Variants in CYP4X1 observed in about 807,000 individuals in gnomAD.
CYP4X1 encodes cytochrome P450 family 4 subfamily X member 1.
Under a neutral mutation model 57.9 loss-of-function variants are expected in CYP4X1, and 44 were observed. The observed-to-expected ratio is 0.76, with a 90% confidence interval of 0.60 to 0.98. CYP4X1 has a LOEUF of 0.98. Among genes scored for constraint, CYP4X1 ranks in the 50% least tolerant of loss-of-function variants. The pLI, the probability that CYP4X1 is intolerant of heterozygous loss-of-function variation, is 0.00. For synonymous variants in CYP4X1, 227 were observed against 228.6 expected, an observed-to-expected ratio of 0.99 and a Z score of 0.06; for missense variants, 532 against 623.9, an observed-to-expected ratio of 0.85 and a Z score of 1.57.
At chr1:47,014,178 T>C in the CYP4X1 span, among the ~76,000 whole-genome samples, 2 of 152,196 alleles carry the variant, frequency 1.3e-5, no homozygotes, top group Non-Finnish European at 2.9e-5. Context: ...AATAGTAGTA[T>C]TCAAAACTGT....
the CYP4X1 span, among the ~76,000 whole-genome samples, chr1:46,966,210 A>G: frequency 6.6e-6 from 1 of 152,210 alleles, no homozygotes; most frequent in Admixed American, 6.5e-5. Flanking sequence ...TGCCATGGAA[A>G]TGGGGCCCAC....
intron 9 of CYP4X1, 69 bp downstream of exon 9, chr1:47,046,669 T>G (rs1206697003): frequency 2.8e-5 from 45 of 1,606,578 alleles, no homozygotes; most frequent in Non-Finnish European, 3.8e-5. Flanking sequence ...TGACAAAGAT[T>G]AGTGAGTCTC....
chr1:47,002,539 A>C, the CYP4X1 span, among the ~76,000 whole-genome samples: 3 of 152,194 alleles, frequency 2.0e-5, no homozygotes, highest in African/African-American at 7.2e-5. Context: ...ATCATTAGGG[A>C]ATTTACAGAA....
chr1:46,968,542 AT>A, the CYP4X1 span, among the ~76,000 whole-genome samples: 1 of 152,184 alleles, frequency 6.6e-6, no homozygotes, highest in African/African-American at 2.4e-5. Context: ...CCTCAAGGCT[AT>A]GGCCAGGGAC....
chr1:46,984,739 T>G, the CYP4X1 span, among the ~76,000 whole-genome samples: 5 of 152,170 alleles, frequency 3.3e-5, no homozygotes, highest in East Asian at 9.7e-4. Flanking sequence ...CTGGGGTGCC[T>G]ATGCCACCAG....
At chr1:46,967,672 C>A in the CYP4X1 span, 1 of 603,444 alleles carries the variant, frequency 1.7e-6, no homozygotes, top group South Asian at 4.4e-5. Context: ...AGGTGGAGGC[C>A]CTCAGAGCTG....
the CYP4X1 span, among the ~76,000 whole-genome samples, chr1:46,979,655 C>A: frequency 6.6e-6 from 1 of 152,084 alleles, no homozygotes; most frequent in Non-Finnish European, 1.5e-5. Context: ...GATACCAAAG[C>A]CTGGCAGAGA....
At chr1:47,054,907 T>G (rs897457231), downstream of CYP4X1, among the ~76,000 whole-genome samples, 1 of 152,144 alleles carries the variant, frequency 6.6e-6, no homozygotes. Flanking sequence ...TGAATGCCCT[T>G]TATTTCCTTC....
At chr1:47,039,968 C>T (rs756399135) in intron 8 of CYP4X1, among the ~76,000 whole-genome samples, 13 of 152,000 alleles carry the variant, frequency 8.6e-5, no homozygotes, top group Non-Finnish European at 1.6e-4. Flanking sequence ...TTTTATTCCT[C>T]AGGATTGATT....
chr1:47,011,340 A>G, the CYP4X1 span, among the ~76,000 whole-genome samples: 4,716 of 152,330 alleles, frequency 0.031, 152 homozygotes, highest in African/African-American at 0.078. Flanking sequence ...GGTGCTGGGA[A>G]AACTGGCTAG....
the CYP4X1 span, among the ~76,000 whole-genome samples, chr1:46,980,184 ATTGTCCCTGT>A: frequency 6.6e-6 from 1 of 152,158 alleles, no homozygotes; most frequent in Non-Finnish European, 1.5e-5. Context: ...ATGAAGTCAA[ATTGTCCCTGT>A]TTGCAGTTGA....
At chr1:47,052,406 A>G (rs1644365198), downstream of CYP4X1, among the ~76,000 whole-genome samples, 1 of 152,184 alleles carries the variant, frequency 6.6e-6, no homozygotes, top group Admixed American at 6.5e-5. Flanking sequence ...ACTGTGCCAA[A>G]AATTGTATAT....
chr1:47,018,114 T>C, the CYP4X1 span, among the ~76,000 whole-genome samples: 35 of 152,332 alleles, frequency 2.3e-4, no homozygotes, highest in Non-Finnish European at 4.0e-4. Flanking sequence ...CCACTGTTCC[T>C]GGACCAAACT....
upstream of CYP4X1, among the ~76,000 whole-genome samples, chr1:47,021,202 A>G (rs1643992907): frequency 7.0e-6 from 1 of 143,530 alleles, no homozygotes; most frequent in Non-Finnish European, 1.5e-5. Context: ...TGGCCTCCAG[A>G]ATCATATTTT....
At chr1:47,028,880 C>T (rs1455584393) in intron 1 of CYP4X1, among the ~76,000 whole-genome samples, 1 of 152,058 alleles carries the variant, frequency 6.6e-6, no homozygotes. Context: ...TGTTGAAAAC[C>T]ACTACTCTGG....
At chr1:46,996,050 A>G in the CYP4X1 span, among the ~76,000 whole-genome samples, 8 of 152,266 alleles carry the variant, frequency 5.3e-5, no homozygotes, top group Non-Finnish European at 1.0e-4. Flanking sequence ...AGTTGAGTTC[A>G]TAATGTGGTA....
chr1:47,048,528 T>C, intron 9 of CYP4X1, 37 bp from the exon 10 acceptor site: 1 of 1,611,538 alleles, frequency 6.2e-7, no homozygotes, highest in Non-Finnish European at 8.5e-7. Context: ...AACTTGCTCT[T>C]TCTCCTGCAG....
the CYP4X1 span, among the ~76,000 whole-genome samples, chr1:46,992,987 T>C: frequency 6.6e-6 from 1 of 152,172 alleles, no homozygotes; most frequent in Non-Finnish European, 1.5e-5. Flanking sequence ...AACGTGCAGG[T>C]TAGTTACATA....
At chr1:46,961,454 C>A in the CYP4X1 span, 1,355 of 771,802 alleles carry the variant, frequency 1.8e-3, 13 homozygotes, top group African/African-American at 0.023. Flanking sequence ...TCTACACTCA[C>A]CCACTCTGGT....
Sources: gnomAD v4.1 joint callset for allele counts (sites outside exome capture counted in the v4.1 genomes callset) on GRCh38, gnomAD v4.1.1 for gene constraint, MANE v1.5 for transcripts, NCBI Gene and HGNC (gene_info 2026-07-23, HGNC 2026-07-21) for gene names.